KIAA1217: variants seen among roughly 807,000 people sequenced by gnomAD.
KIAA1217 encodes sickle tail protein homolog.
In KIAA1217, 88 loss-of-function variants were observed where a neutral mutation model predicts 163.9. That is an observed-to-expected ratio of 0.54 (90% CI 0.45 to 0.64). The LOEUF (loss-of-function observed/expected upper bound fraction) is 0.64. Among genes scored for constraint, KIAA1217 ranks in the 30% least tolerant of loss-of-function variants. The probability of loss-of-function intolerance (pLI) is 0.00; values close to 1 mark genes in which losing one functional copy is unlikely to be tolerated. For missense variants in KIAA1217, 2,372 were observed against 2,475.0 expected, an observed-to-expected ratio of 0.96 and a Z score of 0.88; for synonymous variants, 903 against 923.1, an observed-to-expected ratio of 0.98 and a Z score of 0.39.
chr10:24,034,321 G>C (rs765170402), intron 2 of KIAA1217, among the ~76,000 whole-genome samples: 4 of 152,082 alleles, frequency 2.6e-5, no homozygotes, highest in Non-Finnish European at 5.9e-5. Flanking sequence ...CACTTTGGGA[G>C]CCCAAGGTGG....
At chr10:23,985,227 G>C (rs550473083) in intron 1 of KIAA1217, among the ~76,000 whole-genome samples, 1 of 152,272 alleles carries the variant, frequency 6.6e-6, no homozygotes, top group African/African-American at 2.4e-5. Context: ...CCCTTTAGTA[G>C]ACCTTTTCCT....
chr10:24,506,224 G>C (rs181310074), intron 9 of KIAA1217, among the ~76,000 whole-genome samples: 20 of 152,344 alleles, frequency 1.3e-4, no homozygotes, highest in African/African-American at 4.6e-4. Flanking sequence ...GTCGTTCTGA[G>C]GTCTGGCTTT....
intron 1 of KIAA1217, among the ~76,000 whole-genome samples, chr10:23,934,812 T>A (rs1843454243): frequency 6.6e-6 from 1 of 150,380 alleles, no homozygotes; most frequent in Non-Finnish European, 1.5e-5. Context: ...AGAGACGGAG[T>A]CTCACCATGT....
intron 2 of KIAA1217, among the ~76,000 whole-genome samples, chr10:24,119,929 G>A (rs546658921): frequency 1.2e-4 from 19 of 152,260 alleles, no homozygotes; most frequent in African/African-American, 4.1e-4. Context: ...GGCTCTCTAC[G>A]GACCAGCATG....
At chr10:23,866,665 C>CT (rs1840200516) in intron 1 of KIAA1217, among the ~76,000 whole-genome samples, 1 of 151,866 alleles carries the variant, frequency 6.6e-6, no homozygotes, top group Admixed American at 6.6e-5. Context: ...TCTGATGCCT[C>CT]TCCCTCTTGC....
At chr10:24,350,239 C>T (rs1447301591) in intron 2 of KIAA1217, among the ~76,000 whole-genome samples, 1 of 152,178 alleles carries the variant, frequency 6.6e-6, no homozygotes, top group Non-Finnish European at 1.5e-5. Flanking sequence ...GGTTTTAAAA[C>T]AGTGACCTGG....
chr10:24,063,598 G>T (rs2060818570), intron 2 of KIAA1217, among the ~76,000 whole-genome samples: 1 of 152,124 alleles, frequency 6.6e-6, no homozygotes. Flanking sequence ...TGTTCTTTTG[G>T]CTTAGGATTG....
At position 24,256,620 on chromosome 10, in the gene KIAA1217, C is replaced by G. The variant is rs74127005; in HGVS notation, c.354+36711C>G. ...TGTGATTTTCCTGAAGGAACAGAAC[C>G]AACACTGGTTTTCAAAAGCCTTAGT... is the stretch of plus-strand genomic sequence containing the variant. On this transcript the variant is annotated intron_variant, in intron 2 of 20. Coordinates refer to ENST00000376454, the MANE Select transcript of KIAA1217 (RefSeq NM_019590.5). 8.9e-3 allele frequency among the ~76,000 whole-genome samples: 1,350 copies of G among 152,242 alleles called. 22 individuals are homozygous for G. The highest frequency in any genetic ancestry group is 0.031 in the African/African-American group (1,271 of 41,546).
At position 24,331,829 on chromosome 10, in the gene KIAA1217, T is replaced by C. The variant is rs1481716958; in HGVS notation, c.355-49040T>C. On this transcript the variant is annotated intron_variant, in intron 2 of 20. Coordinates refer to ENST00000376454, the MANE Select transcript of KIAA1217 (RefSeq NM_019590.5). The stretch of plus-strand genomic sequence containing the variant: ...ATTTATTTATTTGGAGAGGGAGTTT[T>C]GCTCTTGTTGCCCAGGCTGGAGTGC... 3.9e-5 allele frequency among the ~76,000 whole-genome samples: 6 copies of C among 152,206 alleles called. No homozygotes were observed. In the East Asian group the frequency reaches 9.6e-4, roughly 24 times the overall value.
chr10:24,140,339 A>G (rs1350114182), intron 2 of KIAA1217, among the ~76,000 whole-genome samples: 5 of 151,448 alleles, frequency 3.3e-5, no homozygotes, highest in Admixed American at 6.6e-5. Context: ...CAGCCTGGGC[A>G]ACAGAGGAAG....
intron 9 of KIAA1217, among the ~76,000 whole-genome samples, chr10:24,503,062 A>G (rs2067876622): frequency 6.6e-6 from 1 of 152,242 alleles, no homozygotes; most frequent in Admixed American, 6.5e-5. Flanking sequence ...TTCCTCTAAT[A>G]GGAAAAAGGC....
At chr10:23,866,437 A>G (rs1840188805) in intron 1 of KIAA1217, among the ~76,000 whole-genome samples, 1 of 152,196 alleles carries the variant, frequency 6.6e-6, no homozygotes, top group South Asian at 2.1e-4. Context: ...TTCTAAAGAC[A>G]TGATGTTTCC....
chr10:24,512,005 C>T (rs2069250957), intron 9 of KIAA1217, among the ~76,000 whole-genome samples: 1 of 152,184 alleles, frequency 6.6e-6, no homozygotes, highest in Non-Finnish European at 1.5e-5. Context: ...CCCATGGACA[C>T]ACATCTACTA....
chr10:23,806,307 A>C (rs1836741281), intron 1 of KIAA1217, among the ~76,000 whole-genome samples: 1 of 152,202 alleles, frequency 6.6e-6, no homozygotes, highest in East Asian at 1.9e-4. Flanking sequence ...GACCAAATTA[A>C]AAGTGACGGA....
intron 2 of KIAA1217, among the ~76,000 whole-genome samples, chr10:24,200,521 C>T (rs2130520753): frequency 6.6e-6 from 1 of 152,292 alleles, no homozygotes; most frequent in South Asian, 2.1e-4. Flanking sequence ...CAGCTTTCGC[C>T]TGCCATACTG....
intron 6 of KIAA1217, among the ~76,000 whole-genome samples, chr10:24,488,438 A>G (rs565048080): frequency 2.3e-4 from 35 of 152,328 alleles, no homozygotes; most frequent in Non-Finnish European, 4.0e-4. Context: ...GAACGTAGCC[A>G]GTCTTCTTGC....
intron 2 of KIAA1217, among the ~76,000 whole-genome samples, chr10:24,293,061 G>A (rs1162805465): frequency 6.6e-6 from 1 of 152,086 alleles, no homozygotes; most frequent in Non-Finnish European, 1.5e-5. Context: ...TTTTGTTTCT[G>A]AGACAGACTC....
intron 3 of KIAA1217, among the ~76,000 whole-genome samples, chr10:24,412,641 G>T (rs2057893623): frequency 6.6e-6 from 1 of 152,098 alleles, no homozygotes; most frequent in African/African-American, 2.4e-5. Context: ...TGACCTCACT[G>T]GCTGGTCCTC....
chr10:23,912,160 C>A (rs1028996697), intron 1 of KIAA1217, among the ~76,000 whole-genome samples: 2 of 152,054 alleles, frequency 1.3e-5, no homozygotes, highest in African/African-American at 4.8e-5. Context: ...AAACATTGAC[C>A]TAAACTGACA....
Sources: allele counts gnomAD v4.1 joint callset (sites outside exome capture counted in the v4.1 genomes callset), GRCh38; gene constraint gnomAD v4.1.1; transcripts MANE v1.5; gene names NCBI Gene and HGNC (gene_info 2026-07-23, HGNC 2026-07-21).